NCOR2: variants seen among roughly 807,000 people sequenced by gnomAD.
The protein encoded by NCOR2 is nuclear receptor corepressor 2.
A neutral mutation model predicts 262.9 loss-of-function variants in NCOR2; 81 were observed. The observed-to-expected ratio is 0.31, with a 90% CI of 0.26 to 0.37. NCOR2 has a LOEUF of 0.37. NCOR2 is among the 10% of genes least tolerant of loss of function. NCOR2 has a pLI of 1.00. For synonymous variants in NCOR2, 1,659 were observed against 1,559.3 expected (o/e 1.06, Z -1.51); for missense variants, 3,385 against 3,621.4 (o/e 0.93, Z 1.68).
At chr12:124,340,338 A>G in exon 36 of NCOR2, 1 of 1,612,762 alleles carries the variant, frequency 6.2e-7, no homozygotes, top group Non-Finnish European at 8.5e-7. Context: ...GGTGGACGTG[A>G]GGATGGACTT....
intron 22 of NCOR2, 129 bp downstream of exon 24, chr12:124,361,996 CA>C: frequency 1.1e-5 from 9 of 833,048 alleles, no homozygotes; most frequent in Non-Finnish European, 1.4e-5. Context: ...TCAACTGTTC[CA>C]TTCGTTTACT....
chr12:124,385,874 G>C, exon 17 of NCOR2: 2 of 1,613,354 alleles, frequency 1.2e-6, no homozygotes, highest in Non-Finnish European at 1.7e-6. Flanking sequence ...AGTTGCGGCC[G>C]TGTTCCAGGA....
chr12:124,565,031 TG>T (rs1448439794), intron 1 of NCOR2, among the ~76,000 whole-genome samples: 3 of 152,042 alleles, frequency 2.0e-5, no homozygotes, highest in African/African-American at 7.2e-5. Context: ...TATTATTAAT[TG>T]GGGAAAAAGA....
chr12:124,397,297 G>T (rs190948753), intron 16 of NCOR2, among the ~76,000 whole-genome samples: 1 of 152,220 alleles, frequency 6.6e-6, no homozygotes, highest in Non-Finnish European at 1.5e-5. Context: ...CCTCACACAG[G>T]GTTATCTGAT....
At chr12:124,363,417 A>T (rs931237731) in intron 21 of NCOR2, among the ~76,000 whole-genome samples, 12 of 152,134 alleles carry the variant, frequency 7.9e-5, no homozygotes, top group Admixed American at 7.2e-4. Context: ...CCAGTATCTA[A>T]TCTGGGGGTT....
intron 20 of NCOR2, among the ~76,000 whole-genome samples, chr12:124,367,909 C>G (rs1008269616): frequency 6.6e-6 from 1 of 152,250 alleles, no homozygotes; most frequent in Non-Finnish European, 1.5e-5. Context: ...GCTGGGATTA[C>G]AGGCATGAGC....
intron 1 of NCOR2, among the ~76,000 whole-genome samples, chr12:124,522,030 A>G (rs974374160): frequency 6.6e-6 from 1 of 152,084 alleles, no homozygotes; most frequent in Non-Finnish European, 1.5e-5. Flanking sequence ...TAAACAAATA[A>G]ATAAACAAAA....
At chr12:124,420,925 C>A (rs2043165895) in intron 12 of NCOR2, among the ~76,000 whole-genome samples, 1 of 152,270 alleles carries the variant, frequency 6.6e-6, no homozygotes, top group East Asian at 1.9e-4. Flanking sequence ...CCAAGTACGA[C>A]CGCCAGGGGG....
intron 1 of NCOR2, among the ~76,000 whole-genome samples, chr12:124,506,579 C>CGAGAAGCAGGG (rs373240293): frequency 6.1e-5 from 9 of 147,962 alleles, no homozygotes; most frequent in Admixed American, 2.0e-4. Context: ...TGGCTCCACC[C>CGAGAAGCAGGG]GAGAAGCCCT....
chr12:124,402,062 A>G (rs2042014016), intron 14 of NCOR2, among the ~76,000 whole-genome samples: 1 of 152,168 alleles, frequency 6.6e-6, no homozygotes, highest in Admixed American at 6.5e-5. Context: ...CCTCAGGAGG[A>G]AAGAGCGGGA....
At chr12:124,431,037 TCACA>T (rs1435881658) in intron 8 of NCOR2, among the ~76,000 whole-genome samples, 2 of 137,708 alleles carry the variant, frequency 1.5e-5, no homozygotes, top group East Asian at 4.4e-4. Context: ...ACAAATGCAG[TCACA>T]CAAACACACA....
upstream of NCOR2, among the ~76,000 whole-genome samples, chr12:124,497,162 AAAG>A (rs1199237908): frequency 2.0e-5 from 3 of 152,152 alleles, no homozygotes; most frequent in Non-Finnish European, 4.4e-5. The surrounding 1 kb of genome is among the most constrained non-coding windows in gnomAD (Gnocchi z 4.2). Context: ...TCACACAGGG[AAAG>A]AAGGAGTCAC....
At chr12:124,366,705 C>A (rs1465857973) in intron 20 of NCOR2, among the ~76,000 whole-genome samples, 1 of 151,896 alleles carries the variant, frequency 6.6e-6, no homozygotes, top group African/African-American at 2.4e-5. Flanking sequence ...TGTGGTAGAG[C>A]CAAGGTTTCT....
rs1458790584 is a variant in NCOR2 at position 124,327,443 on chromosome 12, A to G, written c.7149T>C (p.Ala2383=). The change falls in exon 45 of 47, where the codon GCT becomes GCC. Residue 2383 remains alanine, a synonymous_variant. Coordinates refer to ENST00000405201, the Ensembl canonical transcript of NCOR2. Reference sequence around the variant, plus strand: ...TGAGTGTGTGGTCACTCCGTCCGTCAGCAGCGGTTATGGGCATAGCAGCGG... The same window carrying G: ...TGAGTGTGTGGTCACTCCGTCCGTCGGCAGCGGTTATGGGCATAGCAGCGG... 7.4e-6 allele frequency: 12 copies of G among 1,612,358 alleles called. No homozygotes were observed. In the South Asian group the frequency reaches 9.9e-5, roughly 13 times the overall value.
rs545272652 is a variant in NCOR2 at position 124,420,950 on chromosome 12, C to A, written c.1384-895G>T. ...CCGCCAGGGGGGCTCCCAGGCGGCCCCAGGCTAAACCCAGCCCACAAACAT... is the reference window on the plus strand; with the variant it reads ...CCGCCAGGGGGGCTCCCAGGCGGCCACAGGCTAAACCCAGCCCACAAACAT... On this transcript the variant is annotated intron_variant, in intron 12 of 46. Transcript: ENST00000405201. 5.9e-5 allele frequency among the ~76,000 whole-genome samples: 9 copies of A among 152,334 alleles called. No homozygotes were observed. The East Asian group carries it at 1.2e-3, about 20-fold the overall frequency.
intron 6 of NCOR2, among the ~76,000 whole-genome samples, chr12:124,450,480 TCCACCAG>T (rs1297568401): frequency 6.6e-6 from 1 of 152,060 alleles, no homozygotes; most frequent in Non-Finnish European, 1.5e-5. Flanking sequence ...CCTACTGTGC[TCCACCAG>T]GAGACGGGCG....
exon 32 of NCOR2, chr12:124,344,654 G>A (rs1385833527): frequency 2.0e-6 from 3 of 1,484,734 alleles, no homozygotes; most frequent in Non-Finnish European, 2.7e-6. Context: ...CGTGGGAGGT[G>A]GCCGGCAAAG....
intron 41 of NCOR2, chr12:124,334,196 A>G: frequency 2.1e-6 from 1 of 472,078 alleles, no homozygotes. Flanking sequence ...TAAAGGGTAC[A>G]CGTGAGTGCC....
At chr12:124,467,827 A>C (rs1593681153) in intron 4 of NCOR2, among the ~76,000 whole-genome samples, 1 of 37,802 alleles carries the variant, frequency 2.6e-5, no homozygotes. Context: ...CACCCCCATC[A>C]CCCTCATCCT....
Sources: gnomAD v4.1 joint callset for allele counts (sites outside exome capture counted in the v4.1 genomes callset) on GRCh38, gnomAD v4.1.1 for gene constraint, Gnocchi (gnomAD v3.1) non-coding constraint, MANE v1.5 for transcripts, NCBI Gene and HGNC (gene_info 2026-07-23, HGNC 2026-07-21) for gene names.